Variants in SH3D19 observed in about 807,000 individuals in gnomAD.
The protein encoded by SH3D19 is SH3 domain-containing protein 19.
In SH3D19, 58 loss-of-function variants were observed where a neutral mutation model predicts 112.1. That is an observed-to-expected ratio of 0.52 (90% CI 0.42 to 0.64). The LOEUF (loss-of-function observed/expected upper bound fraction) is 0.64. Among genes scored for constraint, SH3D19 ranks in the 30% least tolerant of loss-of-function variants. The probability of loss-of-function intolerance (pLI) is 0.00; values close to 1 mark genes in which losing one functional copy is unlikely to be tolerated. For synonymous variants in SH3D19, 391 were observed against 448.5 expected, an observed-to-expected ratio of 0.87 and a Z score of 1.62; for missense variants, 1,090 against 1,263.4, an observed-to-expected ratio of 0.86 and a Z score of 2.08.
rs1185874118 is a variant in SH3D19 at position 151,133,117 on chromosome 4, TCTC to T, written c.2603_2605del (p.Gly868del). 6.2e-7 allele frequency: 1 copy of T among 1,614,114 alleles called. No individual in the cohort carries two copies. The highest frequency in any genetic ancestry group is 8.5e-7 in the Non-Finnish European group (1 of 1,180,006). On this transcript the variant is annotated inframe_deletion, in exon 16 of 20. Transcript: ENST00000604030. ...GAAAATCCCAGTTCTGCCTCGAACT[TCTC>T]CTCTGGCCCATTCCTCATTCACATA... is the stretch of plus-strand genomic sequence containing the variant.
intron 1 of SH3D19, among the ~76,000 whole-genome samples, chr4:151,232,032 A>C (rs1769652112): frequency 6.6e-6 from 1 of 152,142 alleles, no homozygotes; most frequent in Middle Eastern, 3.4e-3. Flanking sequence ...AAAACTACAA[A>C]AATTAGCTGG....
intron 2 of SH3D19, among the ~76,000 whole-genome samples, chr4:151,191,467 C>A (rs560225374): frequency 6.6e-6 from 1 of 152,176 alleles, no homozygotes; most frequent in Non-Finnish European, 1.5e-5. Context: ...ATGGGAGGAA[C>A]CTGGTGGGAG....
chr4:151,141,017 T>C (rs1752884928), intron 12 of SH3D19: 1 of 152,212 alleles, frequency 6.6e-6, no homozygotes, highest in Non-Finnish European at 1.5e-5. Flanking sequence ...GCTTACTATA[T>C]TAGCTTACTA....
chr4:151,304,475 T>C (rs1416412232), intron 1 of SH3D19, among the ~76,000 whole-genome samples: 4 of 152,168 alleles, frequency 2.6e-5, no homozygotes, highest in African/African-American at 9.7e-5. Flanking sequence ...ACCAACCTTA[T>C]TCACAAAGAA....
intron 1 of SH3D19, among the ~76,000 whole-genome samples, chr4:151,237,811 C>G (rs1003634165): frequency 6.6e-6 from 1 of 152,082 alleles, no homozygotes; most frequent in Non-Finnish European, 1.5e-5. Context: ...TATCCTTTGT[C>G]GAACAGGGAT....
intron 2 of SH3D19, among the ~76,000 whole-genome samples, chr4:151,209,121 A>G (rs974807436): frequency 1.1e-4 from 17 of 152,266 alleles, no homozygotes; most frequent in African/African-American, 4.1e-4. Flanking sequence ...TGAGGTAAAG[A>G]AAGATTAAGA....
rs184037701 is a variant in SH3D19 at position 151,153,002 on chromosome 4, A to G, written c.1756-3441T>C. Reference sequence around the variant, plus strand: ...AGGCACGTGCCACCACACCCGGCTAATTTTTGTATTTTTAGTAGAGATGGG... The same window carrying G: ...AGGCACGTGCCACCACACCCGGCTAGTTTTTGTATTTTTAGTAGAGATGGG... On this transcript the variant is annotated intron_variant, in intron 9 of 19. Coordinates refer to ENST00000604030, the MANE Select transcript of SH3D19 (RefSeq NM_001378122.1). Among the ~76,000 whole-genome samples, 127 of 151,028 alleles carry G rather than the reference A, an allele frequency of 8.4e-4. 1 individual carries two copies. In the East Asian group the frequency reaches 0.022, roughly 26 times the overall value.
chr4:151,215,234 T>G (rs1299327388), intron 2 of SH3D19, among the ~76,000 whole-genome samples: 1 of 152,210 alleles, frequency 6.6e-6, no homozygotes, highest in Non-Finnish European at 1.5e-5. Flanking sequence ...ATTAAAATAT[T>G]CTGAAGACCG....
At chr4:151,257,752 A>C (rs1350383300) in intron 1 of SH3D19, among the ~76,000 whole-genome samples, 1 of 151,930 alleles carries the variant, frequency 6.6e-6, no homozygotes, top group Non-Finnish European at 1.5e-5. Context: ...CCCTATCTCT[A>C]CAAAAAATTA....
intron 1 of SH3D19, among the ~76,000 whole-genome samples, chr4:151,299,371 A>G (rs6844852): frequency 0.47 from 71,892 of 151,690 alleles, 17,384 homozygotes; most frequent in Non-Finnish European, 0.52. Context: ...ACCTGAGGTC[A>G]GGAGTTCGAG....
chr4:151,275,854 T>TA (rs1294074810), intron 1 of SH3D19, among the ~76,000 whole-genome samples: 51 of 131,478 alleles, frequency 3.9e-4, no homozygotes, highest in African/African-American at 8.8e-4. Flanking sequence ...TATTATTTTT[T>TA]TTTTTTTAGA....
intron 1 of SH3D19, among the ~76,000 whole-genome samples, chr4:151,304,204 A>G (rs147534950): frequency 6.6e-6 from 1 of 152,298 alleles, no homozygotes; most frequent in East Asian, 1.9e-4. Flanking sequence ...AAGACCTCCA[A>G]AAGTCTATCC....
chr4:151,248,820 A>ATC (rs1771140409), intron 1 of SH3D19, among the ~76,000 whole-genome samples: 1 of 152,172 alleles, frequency 6.6e-6, no homozygotes, highest in African/African-American at 2.4e-5. Context: ...AACAAAACAA[A>ATC]ACAAAACAAA....
intron 1 of SH3D19, among the ~76,000 whole-genome samples, chr4:151,267,581 T>C (rs1159921569): frequency 6.6e-6 from 1 of 152,200 alleles, no homozygotes; most frequent in Non-Finnish European, 1.5e-5. Flanking sequence ...TTTTTGACCT[T>C]CTAACAACAC....
Position 151,195,061 on chromosome 4 carries a change from A to G in SH3D19, c.153-7598T>C, listed in dbSNP as rs575980699. On this transcript the variant is annotated intron_variant, in intron 2 of 19. Transcript: ENST00000604030. ...TGCACTCCAGCCTAGGCGACAAAGG[A>G]AGACCATCTTAAAAAAAAAAAAAAA... 9.6e-5 allele frequency among the ~76,000 whole-genome samples: 13 copies of G among 135,398 alleles called. No individual in the cohort carries two copies. In the South Asian group the frequency reaches 3.3e-3, roughly 34 times the overall value. The allele number at this position is 135,398 out of a possible 152,430, so 88.8% of individuals were successfully genotyped here. A position where few individuals can be genotyped will look rare whatever the true frequency, so the allele number is the denominator to read the frequency against.
At position 151,135,110 on chromosome 4, in the gene SH3D19, T is replaced by C. The variant is rs764230993; in HGVS notation, c.2450A>G (p.Asn817Ser). The C allele has an allele frequency of 2.5e-6, 4 of 1,605,566 alleles. No individual in the cohort carries two copies. Among genetic ancestry groups the C allele is most frequent in the Non-Finnish European group, 3.4e-6 (4 of 1,176,548 alleles). Residue 817 changes from asparagine (N) to serine (S), a missense_variant, in exon 15 of 20, where the codon AAT becomes AGT. Transcript: ENST00000604030. ...AGATGAAACACATTCTCTTTTCCCA[T>C]TTCCTCCTTCTGGGATATCAATCTA... ...KVIIDIPEGGNGKRECVSSHC... is the reference protein window; with the variant it reads ...KVIIDIPEGGSGKRECVSSHC...
intron 1 of SH3D19, among the ~76,000 whole-genome samples, chr4:151,229,990 G>C (rs1037353061): frequency 1.3e-5 from 2 of 152,184 alleles, no homozygotes; most frequent in African/African-American, 4.8e-5. Context: ...AAATGCTGTG[G>C]GGGAGATGTG....
At chr4:151,137,600 G>A (rs1358292522) in intron 14 of SH3D19, 132 bp downstream of exon 14, 1 of 695,634 alleles carries the variant, frequency 1.4e-6, no homozygotes, top group Non-Finnish European at 2.2e-6. Flanking sequence ...CTTTATTTTT[G>A]AATTTTCCAA....
At chr4:151,223,766 C>T (rs1252271193) in intron 2 of SH3D19, among the ~76,000 whole-genome samples, 1 of 152,192 alleles carries the variant, frequency 6.6e-6, no homozygotes. Flanking sequence ...TCTTCCCTGT[C>T]CCAACTCAGC....
Sources: gnomAD v4.1 joint callset for allele counts (sites outside exome capture counted in the v4.1 genomes callset) on GRCh38, gnomAD v4.1.1 for gene constraint, MANE v1.5 for transcripts, NCBI Gene and HGNC (gene_info 2026-07-23, HGNC 2026-07-21) for gene names.